The following MTUS2 variants were observed in gnomAD, a reference collection of about 807,000 sequenced individuals.
The protein encoded by MTUS2 is microtubule-associated tumor suppressor candidate 2.
In MTUS2, 40 loss-of-function variants were observed where a neutral mutation model predicts 114.1. That is an observed-to-expected ratio of 0.35 (90% CI 0.27 to 0.46). The LOEUF is 0.46. Ranked by LOEUF, MTUS2 falls within the 20% of genes least tolerant of loss-of-function variation. The pLI is 1.00. For missense variants in MTUS2, 1,679 were observed against 1,705.4 expected (o/e 0.98, Z 0.27); for synonymous variants, 688 against 672.0 (o/e 1.02, Z -0.37).
intron 8 of MTUS2, among the ~76,000 whole-genome samples, chr13:29,389,519 GTGTA>G (rs1566173378): frequency 5.8e-5 from 3 of 51,922 alleles, no homozygotes; most frequent in African/African-American, 9.3e-5. Flanking sequence ...GTGTGTGTAT[GTGTA>G]TATATGTATA....
chr13:29,145,120 GT>G (rs1250664817), intron 5 of MTUS2, among the ~76,000 whole-genome samples: 2 of 152,144 alleles, frequency 1.3e-5, no homozygotes, highest in Non-Finnish European at 2.9e-5. Context: ...TTTTATCAAA[GT>G]TCACATATAC....
chr13:29,183,429 C>A (rs9550444), intron 5 of MTUS2, among the ~76,000 whole-genome samples: 11,150 of 152,082 alleles, frequency 0.073, 515 homozygotes, highest in African/African-American at 0.11. Context: ...TCGGACGTGG[C>A]TAATTGGAAT....
chr13:29,294,638 G>T (rs1898862155), intron 6 of MTUS2, among the ~76,000 whole-genome samples: 1 of 152,150 alleles, frequency 6.6e-6, no homozygotes, highest in Admixed American at 6.5e-5. Context: ...ATGGGGCAAA[G>T]TTCAAATGAA....
At chr13:29,248,097 A>G (rs1176236285) in intron 5 of MTUS2, among the ~76,000 whole-genome samples, 1 of 152,256 alleles carries the variant, frequency 6.6e-6, no homozygotes, top group East Asian at 1.9e-4. Flanking sequence ...GGCATTCGCA[A>G]CAACCTGGAT....
At chr13:28,990,834 C>T (rs1012987138) in intron 2 of MTUS2, among the ~76,000 whole-genome samples, 1 of 150,664 alleles carries the variant, frequency 6.6e-6, no homozygotes, top group African/African-American at 2.4e-5. Context: ...GTCAGCACTA[C>T]TTTTATAAGC....
chr13:29,322,758 G>T (rs1336536473), intron 6 of MTUS2, among the ~76,000 whole-genome samples: 1 of 152,164 alleles, frequency 6.6e-6, no homozygotes, highest in Admixed American at 6.5e-5. Flanking sequence ...AATATTCTGT[G>T]CAGAGGAACT....
intron 7 of MTUS2, among the ~76,000 whole-genome samples, chr13:29,334,464 AAGCTT>A (rs1433272040): frequency 6.6e-6 from 1 of 152,124 alleles, no homozygotes; most frequent in Admixed American, 6.5e-5. Flanking sequence ...TTCACTTTTG[AAGCTT>A]AGTTTGGCTG....
chr13:29,193,415 C>T (rs1282147604), intron 5 of MTUS2, among the ~76,000 whole-genome samples: 2 of 152,056 alleles, frequency 1.3e-5, no homozygotes, highest in Non-Finnish European at 2.9e-5. Flanking sequence ...GATACAAAAT[C>T]AATGTACAAA....
intron 7 of MTUS2, among the ~76,000 whole-genome samples, chr13:29,345,547 A>AT (rs1160221163): frequency 6.6e-6 from 1 of 150,836 alleles, no homozygotes; most frequent in Non-Finnish European, 1.5e-5. Flanking sequence ...TTCTCTGGAG[A>AT]TTTTTTCATC....
intron 4 of MTUS2, among the ~76,000 whole-genome samples, chr13:29,048,827 G>A (rs577445014): frequency 6.6e-6 from 1 of 152,310 alleles, no homozygotes; most frequent in South Asian, 2.1e-4. Context: ...CTGTCTTGCT[G>A]TGATGCTGTA....
At chr13:29,359,214 C>G in intron 7 of MTUS2, 48 bp from the exon 8 acceptor site, 1 of 1,514,676 alleles carries the variant, frequency 6.6e-7, no homozygotes. Context: ...CACATGTGTA[C>G]TGAGTGTTTT....
intron 5 of MTUS2, among the ~76,000 whole-genome samples, chr13:29,117,138 G>C (rs1891122553): frequency 6.6e-6 from 1 of 152,112 alleles, no homozygotes. Context: ...TTCTCTCTTT[G>C]TGTGCTGAGG....
At chr13:28,942,631 A>G (rs559806594) in intron 2 of MTUS2, among the ~76,000 whole-genome samples, 3 of 152,364 alleles carry the variant, frequency 2.0e-5, no homozygotes, top group African/African-American at 7.2e-5. Flanking sequence ...CCTATACAGC[A>G]ATCAGTAGAG....
At chr13:29,075,630 T>C (rs571250157) in intron 4 of MTUS2, among the ~76,000 whole-genome samples, 59 of 152,350 alleles carry the variant, frequency 3.9e-4, no homozygotes, top group African/African-American at 1.4e-3. Context: ...TTCTCTACCT[T>C]GGGCTTCCAC....
chr13:29,265,650 G>A (rs1009995223), intron 5 of MTUS2, among the ~76,000 whole-genome samples: 2 of 152,204 alleles, frequency 1.3e-5, no homozygotes, highest in African/African-American at 2.4e-5. Context: ...TTAGCTTCTG[G>A]AGAGGCTTCA....
intron 2 of MTUS2, among the ~76,000 whole-genome samples, chr13:29,000,416 G>T (rs1885331248): frequency 6.6e-6 from 1 of 151,834 alleles, no homozygotes; most frequent in African/African-American, 2.4e-5. Context: ...AGGCTGTAGT[G>T]CAGTGGCGTG....
chr13:29,501,791 C>T (rs947876237), intron 15 of MTUS2, among the ~76,000 whole-genome samples: 4 of 152,146 alleles, frequency 2.6e-5, no homozygotes, highest in African/African-American at 9.7e-5. Flanking sequence ...GGTGTGTTAC[C>T]CTTGCACACA....
At chr13:28,940,772 GA>G (rs1480422086) in intron 2 of MTUS2, among the ~76,000 whole-genome samples, 2 of 152,080 alleles carry the variant, frequency 1.3e-5, no homozygotes, top group African/African-American at 2.4e-5. Flanking sequence ...AAAGGAATTA[GA>G]AAACTACGCC....
At chr13:29,361,031 G>T (rs899484963) in intron 8 of MTUS2, among the ~76,000 whole-genome samples, 1 of 152,124 alleles carries the variant, frequency 6.6e-6, no homozygotes, top group Non-Finnish European at 1.5e-5. Context: ...GAACTTTTAG[G>T]CCCCACTTTT....
Sources: gnomAD v4.1 joint callset for allele counts (sites outside exome capture counted in the v4.1 genomes callset) on GRCh38, gnomAD v4.1.1 for gene constraint, MANE v1.5 for transcripts, NCBI Gene and HGNC (gene_info 2026-07-23, HGNC 2026-07-21) for gene names.